The following MTCL1 variants were observed in gnomAD, a reference collection of about 807,000 sequenced individuals.
MTCL1 encodes microtubule crosslinking factor 1, also known as microtubule cross-linking factor 1.
A neutral mutation model predicts 141.4 loss-of-function variants in MTCL1; 79 were observed. The ratio of observed to expected loss-of-function variants is 0.56; its 90% CI spans 0.47 to 0.67. MTCL1 has a LOEUF of 0.67. MTCL1 is among the 30% of genes least tolerant of loss of function. The probability of loss-of-function intolerance (pLI) is 0.00; values close to 1 mark genes in which losing one functional copy is unlikely to be tolerated. For synonymous variants in MTCL1, 914 were observed against 875.8 expected, an observed-to-expected ratio of 1.04 and a Z score of -0.77; for missense variants, 2,177 against 2,113.9, an observed-to-expected ratio of 1.03 and a Z score of -0.59.
chr18:8,786,196 G>A (rs1243528581), intron 7 of MTCL1, 105 bp downstream of exon 6: 2 of 1,293,902 alleles, frequency 1.5e-6, no homozygotes, highest in East Asian at 2.5e-5. Flanking sequence ...AGGGAACATG[G>A]CAGGAGGAGG....
intron 6 of MTCL1, among the ~76,000 whole-genome samples, chr18:8,785,284 C>T (rs1211232002): frequency 1.3e-5 from 2 of 152,194 alleles, no homozygotes; most frequent in Non-Finnish European, 2.9e-5. Context: ...CTAACGAGCA[C>T]GTCCCTTCCT....
At chr18:8,824,804 C>A (rs1371842617) in exon 15 of MTCL1, 1 of 1,614,170 alleles carries the variant, frequency 6.2e-7, no homozygotes. Context: ...AGGATGTCAC[C>A]CCACCCCTGT....
In MTCL1 at chr18:8,810,923, GT is replaced by G. The variant is rs1045170170; in HGVS notation, c.2605-2055del. Among the ~76,000 whole-genome samples the G allele has an allele frequency of 6.6e-6, 1 of 152,086 alleles. No homozygotes were observed. The highest frequency in any genetic ancestry group is 2.4e-5 in the African/African-American group (1 of 41,398). ...CACTAAGATTCAGGGACAAAACAGTGTGCTCTCCCCGCTTAATGAAGCATTT... is the reference window on the plus strand; with the variant it reads ...CACTAAGATTCAGGGACAAAACAGTGGCTCTCCCCGCTTAATGAAGCATTT... On this transcript the variant is annotated intron_variant, in intron 11 of 16. Coordinates refer to ENST00000359865, the Ensembl canonical transcript of MTCL1. This position sits in a 1 kb window ranked among gnomAD's most constrained non-coding sequence, Gnocchi z 5.0.
intron 8 of MTCL1, among the ~76,000 whole-genome samples, chr18:8,795,147 C>T (rs929690950): frequency 3.3e-5 from 5 of 152,214 alleles, no homozygotes; most frequent in Non-Finnish European, 5.9e-5. Context: ...CCACGCAAGT[C>T]GTTGTCTAGA....
rs754127173 is a variant in MTCL1, at chr18:8,783,691, G to A, written c.579G>A (p.Thr193=). The A allele has an allele frequency of 4.3e-5, 70 of 1,609,534 alleles. No individual in the cohort carries two copies. In the East Asian group the frequency reaches 7.1e-4, roughly 16 times the overall value. Residue 193 remains threonine, a synonymous_variant, in exon 6 of 17, where the codon ACG becomes ACA. Coordinates refer to ENST00000359865, the Ensembl canonical transcript of MTCL1. ...GGGATGTGGACAGTCCCCTGCCCAC[G>A]GGGGAAGCAGGCGGGCCCCCCAGCA...
intron 5 of MTCL1, among the ~76,000 whole-genome samples, chr18:8,780,320 C>T (rs2096528432): frequency 6.6e-6 from 1 of 152,252 alleles, no homozygotes; most frequent in African/African-American, 2.4e-5. Context: ...CTGCCCCTCG[C>T]CTGCACCTCC....
chr18:8,805,313 G>A (rs1349801905), intron 10 of MTCL1, among the ~76,000 whole-genome samples: 1 of 152,086 alleles, frequency 6.6e-6, no homozygotes, highest in Non-Finnish European at 1.5e-5. Context: ...CTCTGTCCGA[G>A]TATACCCAAT....
Position 8,814,159 on chromosome 18 carries a change from G to A in MTCL1, c.2859+926G>A, listed in dbSNP as rs182702985. On this transcript the variant is annotated intron_variant, in intron 12 of 16. Transcript: ENST00000359865. ...TCCATAGACATGGTGCCTGTGTTAC[G>A]CAGGTACAATGACAAAGGTGAGTGT... Among the ~76,000 whole-genome samples the A allele has an allele frequency of 3.8e-3, 582 of 152,198 alleles. 5 individuals carry two copies. Among genetic ancestry groups the A allele is most frequent in the African/African-American group, 0.013 (550 of 41,516 alleles).
At chr18:8,790,185 G>A (rs979936606) in intron 7 of MTCL1, among the ~76,000 whole-genome samples, 4 of 152,176 alleles carry the variant, frequency 2.6e-5, no homozygotes, top group African/African-American at 9.7e-5. Flanking sequence ...AGAAGAGCAC[G>A]TTTTAAATCC....
intron 4 of MTCL1, among the ~76,000 whole-genome samples, chr18:8,738,402 A>C (rs1012721199): frequency 6.6e-6 from 1 of 152,116 alleles, no homozygotes; most frequent in Admixed American, 6.5e-5. Flanking sequence ...TTGTAAAATC[A>C]TTTTTGTAGG....
intron 4 of MTCL1, among the ~76,000 whole-genome samples, chr18:8,761,590 G>T (rs912528442): frequency 1.3e-5 from 2 of 152,030 alleles, no homozygotes; most frequent in Non-Finnish European, 2.9e-5. Flanking sequence ...GTCCATTTTT[G>T]TGCTGCTGAT....
chr18:8,714,849 T>G (rs1184902074), upstream of MTCL1, among the ~76,000 whole-genome samples: 1 of 151,936 alleles, frequency 6.6e-6, no homozygotes, highest in Admixed American at 6.6e-5. Flanking sequence ...CAGGCTGGAG[T>G]GCAGTGGCGC....
intron 8 of MTCL1, 49 bp downstream of exon 7, chr18:8,793,169 C>T: frequency 6.2e-7 from 1 of 1,603,914 alleles, no homozygotes; most frequent in Non-Finnish European, 8.5e-7. Context: ...AACTGCAGAG[C>T]CCCAAAGGAG....
At chr18:8,775,773 T>C (rs963397736) in intron 4 of MTCL1, among the ~76,000 whole-genome samples, 5 of 152,112 alleles carry the variant, frequency 3.3e-5, no homozygotes, top group Admixed American at 3.3e-4. Context: ...GCAGCTGGGG[T>C]TCCTTCCACC....
upstream of MTCL1, among the ~76,000 whole-genome samples, chr18:8,713,960 A>AG (rs879766409): frequency 6.6e-6 from 1 of 152,268 alleles, no homozygotes; most frequent in Middle Eastern, 3.4e-3. Context: ...AAAGCGGGGA[A>AG]GGGGCACGGA....
chr18:8,784,636 G>T (rs1247760107), exon 6 of MTCL1: 1 of 1,613,732 alleles, frequency 6.2e-7, no homozygotes, highest in Non-Finnish European at 8.5e-7. Flanking sequence ...ACCAGCAGGA[G>T]CCCCAGCTGC....
At chr18:8,785,896 A>G (rs1285490757) in intron 6 of MTCL1, 40 bp from the exon 6 acceptor site, 1 of 1,528,392 alleles carries the variant, frequency 6.5e-7, no homozygotes, top group East Asian at 2.3e-5. Flanking sequence ...TTAAAATTTT[A>G]AAGAACAACA....
At chr18:8,765,720 C>G in intron 4 of MTCL1, among the ~76,000 whole-genome samples, 1 of 152,268 alleles carries the variant, frequency 6.6e-6, no homozygotes, top group East Asian at 1.9e-4. Flanking sequence ...ATAATAAAAT[C>G]GAGAACCGAA....
At chr18:8,786,919 G>A (rs1256494839) in intron 7 of MTCL1, 1 of 158,022 alleles carries the variant, frequency 6.3e-6, no homozygotes, top group East Asian at 1.8e-4. Flanking sequence ...CTTTGCCATG[G>A]GCTGTTTCTG....
Sources: gnomAD v4.1 joint callset for allele counts (sites outside exome capture counted in the v4.1 genomes callset) on GRCh38, gnomAD v4.1.1 for gene constraint, Gnocchi (gnomAD v3.1) non-coding constraint, MANE v1.5 for transcripts, NCBI Gene and HGNC (gene_info 2026-07-23, HGNC 2026-07-21) for gene names.